The following NAV1 variants were observed in gnomAD, a reference collection of about 807,000 sequenced individuals.
NAV1 encodes the protein pore membrane and/or filament interacting like protein 3.
In NAV1, 18 loss-of-function variants were observed where a neutral mutation model predicts 175.2. The ratio of observed to expected loss-of-function variants is 0.10; its 90% confidence interval spans 0.07 to 0.15. The LOEUF (loss-of-function observed/expected upper bound fraction) is 0.15, where lower values mean the gene tolerates loss of function less well. Ranked by LOEUF, NAV1 falls within the 10% of genes least tolerant of loss-of-function variation. NAV1 has a pLI of 1.00. For synonymous variants in NAV1, 897 were observed against 978.7 expected (o/e 0.92, Z 1.56); for missense variants, 1,731 against 2,436.6 (o/e 0.71, Z 6.10).
intron 1 of NAV1, among the ~76,000 whole-genome samples, chr1:201,676,413 A>G (rs1670252171): frequency 6.6e-6 from 1 of 152,180 alleles, no homozygotes; most frequent in Non-Finnish European, 1.5e-5. Context: ...AGAAGTGCTG[A>G]GGAGGACACA....
intron 1 of NAV1, among the ~76,000 whole-genome samples, chr1:201,674,651 G>A (rs764855389): frequency 1.3e-5 from 2 of 152,202 alleles, no homozygotes; most frequent in Non-Finnish European, 2.9e-5. Context: ...TATGGCAGAA[G>A]GTGAAGTGGG....
At chr1:201,738,409 C>G (rs1034389102) in intron 3 of NAV1, among the ~76,000 whole-genome samples, 6 of 152,142 alleles carry the variant, frequency 3.9e-5, no homozygotes, top group Non-Finnish European at 5.9e-5. Flanking sequence ...TTTCTGTCCT[C>G]TAAGAACTGT....
intron 1 of NAV1, among the ~76,000 whole-genome samples, chr1:201,675,031 CAAAA>C (rs35348125): frequency 2.4e-5 from 2 of 84,240 alleles, no homozygotes; most frequent in African/African-American, 4.1e-5. Context: ...GACTCTGTCT[CAAAA>C]AAAAAAAAAA....
chr1:201,809,119 C>G, intron 20 of NAV1, 45 bp from the exon 25 acceptor site: 1 of 1,570,598 alleles, frequency 6.4e-7, no homozygotes, highest in Admixed American at 1.7e-5. Context: ...TTAGGAAAGG[C>G]TGCGGGTACT....
chr1:201,810,791 G>C lies in NAV1; in HGVS notation c.4797+33G>C, dbSNP rs763585239. 7.7e-6 allele frequency: 12 copies of C among 1,564,426 alleles called. No individual in the cohort carries two copies. The highest frequency in any genetic ancestry group is 2.3e-5 in the East Asian group (1 of 44,378). ...CCCCCCGACACCCCTGCCAGCCTTT[G>C]TTCATGCCTCAGCCTTCCCTAAGAC... On this transcript the variant is annotated intron_variant, in intron 24 of 29. Transcript: ENST00000367296. This position sits in a 1 kb window ranked among gnomAD's most constrained non-coding sequence, Gnocchi z 6.0.
In NAV1 at chr1:201,670,488, G is replaced by C. The variant is rs76067951; in HGVS notation, c.757+21063G>C. Among the ~76,000 whole-genome samples, 1,160 of 151,194 alleles carry C rather than the reference G, an allele frequency of 7.7e-3. 3 individuals are homozygous for C. The highest frequency in any genetic ancestry group is 0.011 in the Non-Finnish European group (719 of 67,958). On this transcript the variant is annotated intron_variant, in intron 1 of 29. Transcript: ENST00000367296. ...CTCAGGAAAGATGGAGGAGCAACTA[G>C]AGTGTCCTGAGCAGGCAGATGTGGT...
Position 201,810,837 on chromosome 1 carries a change from C to A in NAV1, c.4797+79C>A. 1 of 1,040,238 alleles carries A rather than the reference C, an allele frequency of 9.6e-7. No homozygotes were observed. 64.4% of individuals were successfully genotyped at this position (1,040,238 alleles called of 1,614,324 possible). On this transcript the variant is annotated intron_variant, in intron 24 of 29. Coordinates refer to ENST00000367296, the Ensembl canonical transcript of NAV1. The surrounding 1 kb of genome is among the most constrained non-coding windows in gnomAD (Gnocchi z 6.0). ...AAGACCCTTCCTCGGCCCCTTCCTG[C>A]CTCATTGTTCCCTTTTCCTCACCTC...
intron 1 of NAV1, among the ~76,000 whole-genome samples, chr1:201,626,780 C>T (rs968193295): frequency 6.6e-6 from 1 of 152,190 alleles, no homozygotes; most frequent in African/African-American, 2.4e-5. Context: ...GTATCAGGAG[C>T]GTAGGGTTAC....
At position 201,811,574 on chromosome 1, in the gene NAV1, T is replaced by A. The variant is rs780142622; in HGVS notation, c.4798-29T>A. 2.5e-6 allele frequency: 4 copies of A among 1,613,850 alleles called. No individual in the cohort carries two copies. The Admixed American group carries it at 6.7e-5, about 27-fold the overall frequency. ...GCCGATCCAGCTGCTTATTCCCAAG[T>A]GCTGACCCACAGCCTTCTTTTATTC... On this transcript the variant is annotated intron_variant, in intron 24 of 29. Coordinates refer to ENST00000367296, the Ensembl canonical transcript of NAV1.
intron 3 of NAV1, among the ~76,000 whole-genome samples, chr1:201,764,797 C>A (rs1675092202): frequency 6.6e-6 from 1 of 152,224 alleles, no homozygotes; most frequent in South Asian, 2.1e-4. Flanking sequence ...CAGAAGATTG[C>A]ACATGCATAG....
chr1:201,585,714 C>T (rs977027391), intron 1 of NAV1, among the ~76,000 whole-genome samples: 1 of 152,012 alleles, frequency 6.6e-6, no homozygotes, highest in Non-Finnish European at 1.5e-5. Context: ...TGAAAAGATG[C>T]TTAACATCAC....
exon 5 of NAV1, chr1:201,781,148 G>T: frequency 1.2e-6 from 2 of 1,614,184 alleles, no homozygotes; most frequent in Non-Finnish European, 1.7e-6. Context: ...TCTAAGTGGC[G>T]GAGGGAGCGG....
At chr1:201,613,500 T>C (rs1168420632) in intron 2 of NAV1, among the ~76,000 whole-genome samples, 1 of 152,236 alleles carries the variant, frequency 6.6e-6, no homozygotes, top group Non-Finnish European at 1.5e-5. Flanking sequence ...CTTGACTTAA[T>C]GATAACTAGC....
At chr1:201,700,256 C>T (rs932645349) in intron 1 of NAV1, among the ~76,000 whole-genome samples, 1 of 152,104 alleles carries the variant, frequency 6.6e-6, no homozygotes, top group Admixed American at 6.5e-5. Flanking sequence ...AACAAACAAC[C>T]CCATCAAAAG....
In NAV1 at chr1:201,786,285, T is replaced by C. The variant is rs1035461007; in HGVS notation, c.2847-144T>C. ...GAGTCGCCACCTCTTACTCCCTCCTTGGGCAGCCCTGACCACTCCCTCTTT... is the reference window on the plus strand; with the variant it reads ...GAGTCGCCACCTCTTACTCCCTCCTCGGGCAGCCCTGACCACTCCCTCTTT... On this transcript the variant is annotated intron_variant, in intron 8 of 29. Transcript: ENST00000367296. The C allele has an allele frequency of 7.0e-5, 55 of 780,332 alleles. No individual in the cohort carries two copies. In the African/African-American group the frequency reaches 8.7e-4, roughly 12 times the overall value. The allele number at this position is 780,332 out of a possible 1,614,324, so 48.3% of individuals were successfully genotyped here.
At chr1:201,559,528 C>T (rs1666133895) in intron 1 of NAV1, among the ~76,000 whole-genome samples, 1 of 152,058 alleles carries the variant, frequency 6.6e-6, no homozygotes, top group Non-Finnish European at 1.5e-5. Flanking sequence ...GGTCGAGGTG[C>T]CATGCATGTG....
chr1:201,818,142 T>C (rs1327627530), intron 29 of NAV1, among the ~76,000 whole-genome samples: 1 of 151,726 alleles, frequency 6.6e-6, no homozygotes, highest in Non-Finnish European at 1.5e-5. Flanking sequence ...AGGTGGGAGA[T>C]TGCTTGAGCC....
chr1:201,770,629 G>A (rs966856105), intron 3 of NAV1, among the ~76,000 whole-genome samples: 1 of 152,174 alleles, frequency 6.6e-6, no homozygotes, highest in South Asian at 2.1e-4. Context: ...GGAATACATG[G>A]CTGTTTTCCT....
At chr1:201,712,386 C>A (rs555591722) in intron 1 of NAV1, among the ~76,000 whole-genome samples, 2 of 152,334 alleles carry the variant, frequency 1.3e-5, no homozygotes, top group African/African-American at 4.8e-5. Flanking sequence ...TCGGTGTCCC[C>A]TTCCTCCGAA....
Sources: allele counts gnomAD v4.1 joint callset (sites outside exome capture counted in the v4.1 genomes callset), GRCh38; gene constraint gnomAD v4.1.1; non-coding constraint Gnocchi (gnomAD v3.1); transcripts MANE v1.5; gene names NCBI Gene and HGNC (gene_info 2026-07-23, HGNC 2026-07-21).